Variants in CRTC3 observed in about 807,000 individuals in gnomAD.
CRTC3 encodes CREB-regulated transcription coactivator 3.
Under a neutral mutation model 74.5 loss-of-function variants are expected in CRTC3, and 26 were observed. The observed-to-expected ratio is 0.35, with a 90% CI of 0.26 to 0.48. The LOEUF (loss-of-function observed/expected upper bound fraction) is 0.48, where lower values mean the gene tolerates loss of function less well. Ranked by LOEUF, CRTC3 falls within the 20% of genes least tolerant of loss-of-function variation. The pLI, the probability that CRTC3 is intolerant of heterozygous loss-of-function variation, is 0.99. For missense variants in CRTC3, 760 were observed against 787.3 expected (o/e 0.97, Z 0.41); for synonymous variants, 377 against 325.8 (o/e 1.16, Z -1.69).
At chr15:90,532,430 A>C (rs1966642524) in intron 1 of CRTC3, among the ~76,000 whole-genome samples, 1 of 152,138 alleles carries the variant, frequency 6.6e-6, no homozygotes, top group Non-Finnish European at 1.5e-5. Flanking sequence ...AGATATACTG[A>C]CTTTTCATTA....
At chr15:90,555,157 C>T (rs1336904196) in intron 2 of CRTC3, among the ~76,000 whole-genome samples, 1 of 152,168 alleles carries the variant, frequency 6.6e-6, no homozygotes, top group East Asian at 1.9e-4. Flanking sequence ...GAATGTACCA[C>T]TCGTGCTCTT....
intron 2 of CRTC3, among the ~76,000 whole-genome samples, chr15:90,562,779 G>C (rs1484033986): frequency 6.6e-6 from 1 of 152,102 alleles, no homozygotes; most frequent in Non-Finnish European, 1.5e-5. Flanking sequence ...AAAGGCCAGA[G>C]TTGGGAGGCA....
intron 2 of CRTC3, among the ~76,000 whole-genome samples, chr15:90,565,411 C>G (rs1213525252): frequency 1.3e-5 from 2 of 152,222 alleles, no homozygotes; most frequent in Non-Finnish European, 1.5e-5. Flanking sequence ...AAAGTCATAA[C>G]TTAGCCTTTT....
chr15:90,598,275 G>A (rs747549078), intron 3 of CRTC3: 11 of 598,354 alleles, frequency 1.8e-5, no homozygotes, highest in South Asian at 1.6e-4. Context: ...TCACCCAGCC[G>A]CAGGTCAAGC....
At chr15:90,543,576 G>A (rs1397523032) in intron 2 of CRTC3, among the ~76,000 whole-genome samples, 15 of 152,162 alleles carry the variant, frequency 9.9e-5, no homozygotes, top group Non-Finnish European at 1.5e-5. Context: ...CAGAGTAAGA[G>A]TGGGCTTGAA....
At chr15:90,566,820 CT>C in intron 2 of CRTC3, among the ~76,000 whole-genome samples, 1 of 151,150 alleles carries the variant, frequency 6.6e-6, no homozygotes, top group Non-Finnish European at 1.5e-5. Flanking sequence ...AAGCAATTCT[CT>C]TGCTTCAGCC....
At chr15:90,542,852 C>T (rs1179882493) in intron 2 of CRTC3, among the ~76,000 whole-genome samples, 1 of 152,202 alleles carries the variant, frequency 6.6e-6, no homozygotes, top group Non-Finnish European at 1.5e-5. Flanking sequence ...TATAACCCCT[C>T]AATTGGGGTC....
At chr15:90,588,104 T>A (rs371189256) in intron 2 of CRTC3, among the ~76,000 whole-genome samples, 13 of 151,032 alleles carry the variant, frequency 8.6e-5, no homozygotes, top group African/African-American at 2.7e-4. Context: ...ATAAAAAAAT[T>A]AAAAAATTAG....
chr15:90,558,731 A>G (rs1966948082), intron 2 of CRTC3, among the ~76,000 whole-genome samples: 1 of 151,780 alleles, frequency 6.6e-6, no homozygotes, highest in Admixed American at 6.6e-5. Context: ...GATCCAGTAT[A>G]CTATATATAT....
At chr15:90,602,813 A>G (rs1317425305) in intron 4 of CRTC3, among the ~76,000 whole-genome samples, 7 of 151,656 alleles carry the variant, frequency 4.6e-5, no homozygotes, top group African/African-American at 1.7e-4. Flanking sequence ...GTCTCTACTA[A>G]AAATACAAAA....
At chr15:90,533,548 T>C (rs1236334879) in intron 1 of CRTC3, among the ~76,000 whole-genome samples, 1 of 152,144 alleles carries the variant, frequency 6.6e-6, no homozygotes, top group Admixed American at 6.6e-5. Context: ...ATGGGGTGTG[T>C]GTTTGTGAGG....
intron 2 of CRTC3, among the ~76,000 whole-genome samples, chr15:90,544,161 C>T (rs557099895): frequency 2.0e-5 from 3 of 152,262 alleles, no homozygotes; most frequent in Admixed American, 2.0e-4. Context: ...AGAATCCCTC[C>T]TTGTCTCTTC....
At chr15:90,614,251 G>C (rs1034563182) in intron 6 of CRTC3, 3 of 502,172 alleles carry the variant, frequency 6.0e-6, no homozygotes, top group African/African-American at 4.0e-5. Context: ...AAAGAAAAAG[G>C]AACCAAATTT....
chr15:90,610,595 A>T (rs550101603), intron 6 of CRTC3, among the ~76,000 whole-genome samples: 1 of 152,306 alleles, frequency 6.6e-6, no homozygotes, highest in Non-Finnish European at 1.5e-5. Context: ...TTTTTATGGA[A>T]CCAAACAGGA....
intron 2 of CRTC3, among the ~76,000 whole-genome samples, chr15:90,558,262 GC>G (rs1440533616): frequency 1.3e-5 from 2 of 152,110 alleles, no homozygotes; most frequent in African/African-American, 4.8e-5. Context: ...TCTTGCAAGA[GC>G]CTCCTGACTG....
intron 6 of CRTC3, among the ~76,000 whole-genome samples, chr15:90,612,763 T>A (rs1373355214): frequency 2.0e-5 from 3 of 152,184 alleles, no homozygotes. Flanking sequence ...CGTTGCTGGT[T>A]GTAGAGCCAC....
intron 7 of CRTC3, 66 bp from the exon 8 acceptor site, chr15:90,617,817 C>G: frequency 9.3e-7 from 1 of 1,072,628 alleles, no homozygotes; most frequent in South Asian, 1.3e-5. Context: ...AGGCGTGAGC[C>G]ACCGTGCCCG....
At chr15:90,634,552 C>T (rs1188517584) in intron 11 of CRTC3, among the ~76,000 whole-genome samples, 1 of 152,208 alleles carries the variant, frequency 6.6e-6, no homozygotes, top group African/African-American at 2.4e-5. Context: ...TTCCTGCACA[C>T]ATCTTTCCAA....
intron 7 of CRTC3, 139 bp downstream of exon 7, chr15:90,614,627 G>T: frequency 1.7e-6 from 1 of 582,046 alleles, no homozygotes; most frequent in Non-Finnish European, 3.0e-6. Flanking sequence ...TTACTTTTCA[G>T]AGAGCCTCTA....
Sources: allele counts gnomAD v4.1 joint callset (sites outside exome capture counted in the v4.1 genomes callset), GRCh38; gene constraint gnomAD v4.1.1; transcripts MANE v1.5; gene names NCBI Gene and HGNC (gene_info 2026-07-23, HGNC 2026-07-21).